The following LSS variants were observed in gnomAD, a reference collection of about 807,000 sequenced individuals.
LSS encodes the protein lanosterol synthase.
LSS carries 90 observed loss-of-function variants against 110.3 expected under a neutral mutation model. The observed-to-expected ratio is 0.82, with a 90% CI of 0.69 to 0.97. The LOEUF is 0.97. Ranked by LOEUF, LSS falls within the 50% of genes least tolerant of loss-of-function variation. The pLI, the probability that LSS is intolerant of heterozygous loss-of-function variation, is 0.00. For synonymous variants in LSS, 433 were observed against 400.0 expected (o/e 1.08, Z -0.98); for missense variants, 927 against 990.0 (o/e 0.94, Z 0.85).
Position 46,209,143 on chromosome 21 carries a change from C to G in LSS, c.1266+411G>C, listed in dbSNP as rs565427430. Among the ~76,000 whole-genome samples, 52 of 152,240 alleles carry G rather than the reference C, an allele frequency of 3.4e-4. 1 individual carries two copies. In the South Asian group the frequency reaches 0.01, roughly 30 times the overall value. ...GCTGATCTGGCAGGAGGGACCGGGG[C>G]TTTTGCTGCAAACAGTCTCAGGAGG... On this transcript the variant is annotated intron_variant, in intron 13 of 21. Coordinates refer to ENST00000397728, the MANE Select transcript of LSS (RefSeq NM_002340.6). The surrounding 1 kb of genome is among the most constrained non-coding windows in gnomAD (Gnocchi z 4.4).
At chr21:46,194,358 C>T in intron 20 of LSS, 133 bp downstream of exon 20, 1 of 1,084,798 alleles carries the variant, frequency 9.2e-7, no homozygotes, top group Non-Finnish European at 1.3e-6. Context: ...GTGTCTGTTC[C>T]CAGAGTGGCA....
Position 46,190,307 on chromosome 21 carries a change from T to C in LSS, c.*797A>G. On this transcript the variant is annotated 3_prime_UTR_variant, in exon 22 of 22. Transcript: ENST00000397728. This position sits in a 1 kb window ranked among gnomAD's most constrained non-coding sequence, Gnocchi z 4.6. ...GTCCACAAGACTACTATAAACCCTGTAGACACCTCACAAACAGCATTCCAC... is the reference window on the plus strand; with the variant it reads ...GTCCACAAGACTACTATAAACCCTGCAGACACCTCACAAACAGCATTCCAC... 1 of 161,752 alleles carries C rather than the reference T, an allele frequency of 6.2e-6. No homozygotes were observed. Among genetic ancestry groups the C allele is most frequent in the Non-Finnish European group, 1.3e-5 (1 of 74,160 alleles). 10.0% of individuals were successfully genotyped at this position (161,752 alleles called of 1,614,324 possible).
rs2080065945 is a variant in LSS at position 46,207,414 on chromosome 21, G to A, written c.1467+14C>T. 3.1e-6 allele frequency: 5 copies of A among 1,610,538 alleles called. No homozygotes were observed. The highest frequency in any genetic ancestry group is 4.2e-6 in the Non-Finnish European group (5 of 1,179,174). On this transcript the variant is annotated intron_variant, in intron 15 of 21. Transcript: ENST00000397728. Reference sequence around the variant, plus strand: ...CACGAGGTATGGACGGGGCTGCTGGGACCACAGCCTTACCACAGCCACAGC... The same window carrying A: ...CACGAGGTATGGACGGGGCTGCTGGAACCACAGCCTTACCACAGCCACAGC...
intron 17 of LSS, among the ~76,000 whole-genome samples, chr21:46,205,543 T>TAA (rs1166031998): frequency 6.6e-6 from 1 of 152,250 alleles, no homozygotes; most frequent in Non-Finnish European, 1.5e-5. Context: ...AAAGGTTACT[T>TAA]AAAAACCGTT....
At position 46,194,755 on chromosome 21, in the gene LSS, G is replaced by A. The variant is rs957500701; in HGVS notation, c.1818-94C>T. 3.7e-6 allele frequency: 5 copies of A among 1,334,750 alleles called. No homozygotes were observed. The African/African-American group carries it at 5.9e-5, about 16-fold the overall frequency. 82.7% of individuals were successfully genotyped at this position (1,334,750 alleles called of 1,614,324 possible). ...AGCAGGCTGCCTTGGGGTACGGGGA[G>A]GAGCCTGCACGATGGGGCCACCCTA... On this transcript the variant is annotated intron_variant, in intron 19 of 21. Coordinates refer to ENST00000397728, the MANE Select transcript of LSS (RefSeq NM_002340.6).
At position 46,202,559 on chromosome 21, in the gene LSS, C is replaced by T. The variant is rs569851476; in HGVS notation, c.1670+3277G>A. 2.0e-5 allele frequency among the ~76,000 whole-genome samples: 3 copies of T among 151,980 alleles called. No homozygotes were observed. The South Asian group carries it at 6.2e-4, about 32-fold the overall frequency. ...ACATAATACACAAATACTTACTGTG[C>T]TTAAAAATGAAAGAAAAAACTTCCT... On this transcript the variant is annotated intron_variant, in intron 17 of 21. Coordinates refer to ENST00000397728, the MANE Select transcript of LSS (RefSeq NM_002340.6).
At chr21:46,204,680 T>G (rs571017830) in intron 17 of LSS, among the ~76,000 whole-genome samples, 190 of 152,206 alleles carry the variant, frequency 1.2e-3, no homozygotes, top group Non-Finnish European at 2.4e-3. Flanking sequence ...TTAAAAACTT[T>G]CCTCAAAGAA....
chr21:46,189,353 GA>G lies in LSS; in HGVS notation c.*1750del, dbSNP rs531785388. ...ACGTGGGGGAGAACACGTGGGCTGA[GA>G]AAAAAAAACAGCATGTGCAAACCTG... On this transcript the variant is annotated 3_prime_UTR_variant, in exon 22 of 22. Transcript: ENST00000397728. The G allele has an allele frequency of 4.3e-5, 12 of 281,672 alleles. No homozygotes were observed. The highest frequency in any genetic ancestry group is 1.1e-4 in the East Asian group (1 of 8,962). The allele number at this position is 281,672 out of a possible 1,614,324, so 17.4% of individuals were successfully genotyped here. A position where few individuals can be genotyped will look rare whatever the true frequency, so the allele number is the denominator to read the frequency against.
At chr21:46,227,163 G>A (rs999690) in intron 3 of LSS, among the ~76,000 whole-genome samples, 7,667 of 152,240 alleles carry the variant, frequency 0.05, 594 homozygotes, top group African/African-American at 0.17. Flanking sequence ...CAATAGCCCC[G>A]AGGAAGTTCA....
At chr21:46,208,439 C>T (rs2080083195) in intron 13 of LSS, 138 bp from the exon 14 acceptor site, 1 of 785,762 alleles carries the variant, frequency 1.3e-6, no homozygotes, top group Admixed American at 2.0e-5. Flanking sequence ...CGGCCACAGC[C>T]ACCACTGGTG....
chr21:46,226,779 G>A (rs1469186324), intron 3 of LSS, among the ~76,000 whole-genome samples: 1 of 152,204 alleles, frequency 6.6e-6, no homozygotes, highest in African/African-American at 2.4e-5. Context: ...AGGCAATTTG[G>A]ATGAGTAAAT....
At chr21:46,224,389 G>A (rs1367705383) in intron 3 of LSS, among the ~76,000 whole-genome samples, 1 of 151,880 alleles carries the variant, frequency 6.6e-6, no homozygotes, top group African/African-American at 2.4e-5. Flanking sequence ...GTGGTCCCCC[G>A]GGCCCAGCTG....
intron 17 of LSS, among the ~76,000 whole-genome samples, chr21:46,201,212 C>T (rs1368551539): frequency 3.5e-5 from 1 of 28,182 alleles, no homozygotes; most frequent in Non-Finnish European, 6.4e-5. Context: ...GCCTGGATCA[C>T]GTGGGAGGAC....
intron 13 of LSS, 53 bp from the exon 14 acceptor site, chr21:46,208,354 G>GTGTTC: frequency 6.9e-7 from 1 of 1,455,208 alleles, no homozygotes; most frequent in Non-Finnish European, 9.4e-7. Flanking sequence ...ACCACGGGAC[G>GTGTTC]TCCCCATCTG....
At chr21:46,221,175 G>A (rs1422759222) in intron 5 of LSS, among the ~76,000 whole-genome samples, 2 of 151,088 alleles carry the variant, frequency 1.3e-5, no homozygotes, top group African/African-American at 2.4e-5. Flanking sequence ...GGACAGCCCC[G>A]GGCTTGGAGA....
chr21:46,210,063 CTTTTTT>C (rs71318051), intron 12 of LSS, among the ~76,000 whole-genome samples: 5 of 107,590 alleles, frequency 4.6e-5, no homozygotes, highest in Admixed American at 2.2e-4. Flanking sequence ...AGTTCCAGTT[CTTTTTT>C]TTTTTTTTTT....
intron 13 of LSS, among the ~76,000 whole-genome samples, chr21:46,208,880 G>T (rs1211432755): frequency 6.6e-6 from 1 of 152,188 alleles, no homozygotes; most frequent in Admixed American, 6.5e-5. Context: ...ACAGAGGCCA[G>T]GAAGACCCAG....
At position 46,188,699 on chromosome 21, in the gene LSS, T is replaced by C. The variant is rs764322529; in HGVS notation, c.*2405A>G. On this transcript the variant is annotated 3_prime_UTR_variant, in exon 22 of 22. Coordinates refer to ENST00000397728, the MANE Select transcript of LSS (RefSeq NM_002340.6). ...GGAAAAATACACTCCCTCTAAACAATGGATTGAACACAGATGTGATTTCTA... is the reference window on the plus strand; with the variant it reads ...GGAAAAATACACTCCCTCTAAACAACGGATTGAACACAGATGTGATTTCTA... 4 of 470,852 alleles carry C rather than the reference T, an allele frequency of 8.5e-6. No individual in the cohort carries two copies. Among genetic ancestry groups the C allele is most frequent in the Admixed American group, 4.7e-5 (2 of 42,540 alleles). 29.2% of individuals were successfully genotyped at this position (470,852 alleles called of 1,614,324 possible).
intron 9 of LSS, among the ~76,000 whole-genome samples, chr21:46,214,552 C>T (rs1252971005): frequency 2.0e-5 from 3 of 152,206 alleles, no homozygotes; most frequent in Non-Finnish European, 2.9e-5. Context: ...CCTAAGCCAA[C>T]CCACTACACC....
Sources: allele counts gnomAD v4.1 joint callset (sites outside exome capture counted in the v4.1 genomes callset), GRCh38; gene constraint gnomAD v4.1.1; non-coding constraint Gnocchi (gnomAD v3.1); transcripts MANE v1.5; gene names NCBI Gene and HGNC (gene_info 2026-07-23, HGNC 2026-07-21).